Variants in RBFOX1 observed in about 807,000 individuals in gnomAD.
RBFOX1 encodes the protein RNA binding fox-1 homolog 1.
Under a neutral mutation model 57.7 loss-of-function variants are expected in RBFOX1, and 8 were observed. That is an observed-to-expected ratio of 0.14 (90% CI 0.08 to 0.25). RBFOX1 has a LOEUF of 0.25. RBFOX1 is among the 10% of genes least tolerant of loss of function. The pLI is 1.00. For synonymous variants in RBFOX1, 326 were observed against 222.4 expected, an observed-to-expected ratio of 1.47 and a Z score of -4.15; for missense variants, 611 against 548.5, an observed-to-expected ratio of 1.11 and a Z score of -1.14.
At chr16:7,265,287 C>G (rs138601877) in intron 4 of RBFOX1, among the ~76,000 whole-genome samples, 5 of 151,544 alleles carry the variant, frequency 3.3e-5, no homozygotes, top group Non-Finnish European at 7.4e-5. Context: ...ATCATGTGGT[C>G]TCGGTGGCTT....
At chr16:6,811,014 T>C (rs912470503) in intron 3 of RBFOX1, among the ~76,000 whole-genome samples, 1 of 152,184 alleles carries the variant, frequency 6.6e-6, no homozygotes, top group Non-Finnish European at 1.5e-5. Context: ...TGGAAATAGT[T>C]ACAGAACACA....
intron 3 of RBFOX1, among the ~76,000 whole-genome samples, chr16:6,770,583 T>A (rs1052961729): frequency 8.8e-5 from 13 of 148,476 alleles, no homozygotes; most frequent in Admixed American, 1.3e-4. Context: ...AATTTCAAGG[T>A]GTTCCCTGTT....
chr16:7,312,694 A>G (rs1347529599), intron 4 of RBFOX1, among the ~76,000 whole-genome samples: 1 of 152,150 alleles, frequency 6.6e-6, no homozygotes, highest in East Asian at 1.9e-4. Flanking sequence ...GGAAAATAAA[A>G]ATTGTCTTGC....
At chr16:7,507,609 G>C (rs1305288301) in intron 4 of RBFOX1, among the ~76,000 whole-genome samples, 1 of 131,156 alleles carries the variant, frequency 7.6e-6, no homozygotes, top group African/African-American at 2.8e-5. Context: ...TGTCACCCAG[G>C]CTGGAGTGCA....
chr16:7,549,731 C>T (rs1307920992), intron 5 of RBFOX1, among the ~76,000 whole-genome samples: 3 of 152,098 alleles, frequency 2.0e-5, no homozygotes, highest in African/African-American at 7.2e-5. Flanking sequence ...CTTCTGCCTG[C>T]CTTTATTCTG....
In RBFOX1 at chr16:7,712,678, A is replaced by T. The variant is rs2084176458; in HGVS notation, c.*1933A>T. ...TTTATAGCATCACTAAGACATTCTC[A>T]TTCCCCCACCTGGAAAACAGTGTTA... On this transcript the variant is annotated 3_prime_UTR_variant, in exon 16 of 16. Coordinates refer to ENST00000550418, the MANE Select transcript of RBFOX1 (RefSeq NM_018723.4). 1 of 152,210 alleles carries T rather than the reference A, an allele frequency of 6.6e-6. No individual in the cohort carries two copies. Among genetic ancestry groups the T allele is most frequent in the African/African-American group, 2.4e-5 (1 of 41,442 alleles). The allele number at this position is 152,210 out of a possible 1,614,324, so 9.4% of individuals were successfully genotyped here.
intron 3 of RBFOX1, among the ~76,000 whole-genome samples, chr16:6,912,087 C>CT (rs1040414993): frequency 2.0e-5 from 3 of 152,136 alleles, no homozygotes; most frequent in African/African-American, 7.2e-5. Flanking sequence ...TATGCTGTTG[C>CT]TTTTTTTAGC....
chr16:7,304,330 C>G, intron 4 of RBFOX1: 25 of 984,976 alleles, frequency 2.5e-5, no homozygotes, highest in Non-Finnish European at 3.0e-5. Flanking sequence ...AGGCAGAGAG[C>G]AACGTGATTG....
intron 4 of RBFOX1, among the ~76,000 whole-genome samples, chr16:7,071,954 A>G (rs2057423229): frequency 6.6e-6 from 1 of 152,018 alleles, no homozygotes; most frequent in African/African-American, 2.4e-5. Context: ...TCTCCTTTAG[A>G]TTTGTGATTC....
intron 3 of RBFOX1, among the ~76,000 whole-genome samples, chr16:7,033,911 G>C (rs1371073985): frequency 2.6e-5 from 4 of 152,222 alleles, no homozygotes; most frequent in Non-Finnish European, 4.4e-5. Flanking sequence ...TCAAGCTGCA[G>C]TGAGCTATGA....
intron 2 of RBFOX1, among the ~76,000 whole-genome samples, chr16:6,637,582 T>G (rs4990071): frequency 0.19 from 2,412 of 12,678 alleles, 84 homozygotes; most frequent in African/African-American, 0.24. Flanking sequence ...AGTATATATA[T>G]AATAGTCTAT....
chr16:7,064,118 A>G (rs2055310127), intron 4 of RBFOX1, among the ~76,000 whole-genome samples: 1 of 151,712 alleles, frequency 6.6e-6, no homozygotes, highest in Non-Finnish European at 1.5e-5. Context: ...GTAAGATAAA[A>G]TGAGTCCATA....
At chr16:6,172,269 G>C (rs1199115620) in intron 1 of RBFOX1, among the ~76,000 whole-genome samples, 2 of 151,622 alleles carry the variant, frequency 1.3e-5, no homozygotes, top group Non-Finnish European at 1.5e-5. Context: ...GTGGGCCCCG[G>C]ACAGCGGGGA....
At chr16:6,446,782 G>C (rs1259915039) in intron 2 of RBFOX1, among the ~76,000 whole-genome samples, 1 of 151,886 alleles carries the variant, frequency 6.6e-6, no homozygotes, top group Non-Finnish European at 1.5e-5. Flanking sequence ...ATTATAATAA[G>C]GGCTGAAAGA....
chr16:6,734,822 A>G (rs551327482), intron 3 of RBFOX1, among the ~76,000 whole-genome samples: 3 of 152,310 alleles, frequency 2.0e-5, no homozygotes, highest in Admixed American at 1.3e-4. Context: ...ATCTAGATGC[A>G]TAAAGCAAAA....
At chr16:7,586,595 A>G (rs1395992674) in intron 6 of RBFOX1, among the ~76,000 whole-genome samples, 1 of 152,200 alleles carries the variant, frequency 6.6e-6, no homozygotes, top group African/African-American at 2.4e-5. Flanking sequence ...TCTATTTATA[A>G]TCTGAGTCTC....
At chr16:5,702,484 C>T (rs1016022039) in intron 3 of RBFOX1, among the ~76,000 whole-genome samples, 1 of 152,192 alleles carries the variant, frequency 6.6e-6, no homozygotes, top group Non-Finnish European at 1.5e-5. Context: ...AATCAATTAG[C>T]TAGGCCAGCG....
intron 4 of RBFOX1, among the ~76,000 whole-genome samples, chr16:7,517,185 GTGTT>G (rs1244080534): frequency 3.1e-4 from 40 of 128,096 alleles, no homozygotes; most frequent in Non-Finnish European, 5.7e-4. Flanking sequence ...GTGTGTGTGT[GTGTT>G]GTGGTAGAAC....
At chr16:6,747,368 T>C (rs903171906) in intron 3 of RBFOX1, among the ~76,000 whole-genome samples, 2 of 151,908 alleles carry the variant, frequency 1.3e-5, no homozygotes, top group Non-Finnish European at 2.9e-5. Flanking sequence ...GATGGCCCCA[T>C]TGCCCTCCAG....
Sources: allele counts gnomAD v4.1 joint callset (sites outside exome capture counted in the v4.1 genomes callset), GRCh38; gene constraint gnomAD v4.1.1; transcripts MANE v1.5; gene names NCBI Gene and HGNC (gene_info 2026-07-23, HGNC 2026-07-21).